The following ZFPM2 variants were observed in gnomAD, a reference collection of about 807,000 sequenced individuals.
ZFPM2 encodes zinc finger protein, FOG family member 2, also known as zinc finger protein ZFPM2.
ZFPM2 carries 20 observed loss-of-function variants against 98.6 expected under a neutral mutation model. That is an observed-to-expected ratio of 0.20 (90% CI 0.14 to 0.29). ZFPM2 has a LOEUF of 0.29. Among genes scored for constraint, ZFPM2 ranks in the 10% least tolerant of loss-of-function variants. The pLI, the probability that ZFPM2 is intolerant of heterozygous loss-of-function variation, is 1.00. For missense variants in ZFPM2, 1,310 were observed against 1,388.6 expected, an observed-to-expected ratio of 0.94 and a Z score of 0.90; for synonymous variants, 518 against 502.7, an observed-to-expected ratio of 1.03 and a Z score of -0.41.
At chr8:105,553,894 A>G (rs1415249585) in intron 3 of ZFPM2, among the ~76,000 whole-genome samples, 3 of 152,184 alleles carry the variant, frequency 2.0e-5, no homozygotes, top group Non-Finnish European at 4.4e-5. Flanking sequence ...GCGCCGGATA[A>G]GGTCACAATT....
chr8:105,469,344 T>C (rs1812853599), intron 3 of ZFPM2, among the ~76,000 whole-genome samples: 1 of 152,206 alleles, frequency 6.6e-6, no homozygotes, highest in African/African-American at 2.4e-5. Context: ...CTCTTCTGTT[T>C]TACATCTCTT....
chr8:105,564,399 A>C (rs140330642), intron 4 of ZFPM2, among the ~76,000 whole-genome samples: 1 of 152,122 alleles, frequency 6.6e-6, no homozygotes, highest in African/African-American at 2.4e-5. Flanking sequence ...ACTAAAATAT[A>C]TTTTCAAATG....
intron 5 of ZFPM2, among the ~76,000 whole-genome samples, chr8:105,713,208 T>A (rs1308471410): frequency 6.6e-6 from 1 of 152,130 alleles, no homozygotes; most frequent in Non-Finnish European, 1.5e-5. Context: ...ATTTTTTGAC[T>A]TTTTAATGAT....
chr8:105,516,822 T>C (rs1396197527), intron 3 of ZFPM2, among the ~76,000 whole-genome samples: 1 of 152,214 alleles, frequency 6.6e-6, no homozygotes, highest in Non-Finnish European at 1.5e-5. Flanking sequence ...GTATTGTCTA[T>C]AATTTCTGAC....
intron 4 of ZFPM2, among the ~76,000 whole-genome samples, chr8:105,571,277 C>T (rs1383409358): frequency 6.6e-6 from 1 of 152,154 alleles, no homozygotes; most frequent in African/African-American, 2.4e-5. Flanking sequence ...AAAACAGAAT[C>T]ATGAAGGCCT....
chr8:105,464,453 A>G (rs1469327387), intron 3 of ZFPM2, among the ~76,000 whole-genome samples: 13 of 152,072 alleles, frequency 8.5e-5, no homozygotes, highest in Non-Finnish European at 1.6e-4. Context: ...GAGCAAATGC[A>G]TAAGACATTT....
At chr8:105,320,542 T>C (rs916374049) in intron 1 of ZFPM2, among the ~76,000 whole-genome samples, 1 of 152,226 alleles carries the variant, frequency 6.6e-6, no homozygotes, top group Admixed American at 6.5e-5. Context: ...GTTTAAATGT[T>C]GCATCTTAGA....
intron 5 of ZFPM2, among the ~76,000 whole-genome samples, chr8:105,776,461 A>G (rs1813107730): frequency 1.3e-5 from 2 of 152,330 alleles, no homozygotes; most frequent in African/African-American, 4.8e-5. Context: ...GGATACTGTA[A>G]TTTAGTAGTT....
chr8:105,590,529 T>A (rs1815818333), intron 4 of ZFPM2, among the ~76,000 whole-genome samples: 1 of 152,214 alleles, frequency 6.6e-6, no homozygotes, highest in East Asian at 1.9e-4. Context: ...AGGCCATGAT[T>A]AATGGTTTTG....
intron 1 of ZFPM2, among the ~76,000 whole-genome samples, chr8:105,330,601 T>TATATACATATATATATATATATAC (rs1488776480): frequency 3.7e-5 from 1 of 27,206 alleles, no homozygotes; most frequent in Admixed American, 5.1e-4. Flanking sequence ...TATACATATA[T>TATATACATATATATATATATATAC]ATATATATAC....
At chr8:105,590,635 G>A (rs1210038834) in intron 4 of ZFPM2, among the ~76,000 whole-genome samples, 1 of 152,250 alleles carries the variant, frequency 6.6e-6, no homozygotes, top group Non-Finnish European at 1.5e-5. Flanking sequence ...CCCTATTATG[G>A]ATGTGGAGGG....
chr8:105,528,895 A>C (rs916220956), intron 3 of ZFPM2: 58 of 152,170 alleles, frequency 3.8e-4, no homozygotes, highest in African/African-American at 1.3e-3. Context: ...GATTCTTAGA[A>C]GACCCTTCAG....
intron 5 of ZFPM2, among the ~76,000 whole-genome samples, chr8:105,689,921 A>C (rs1810836993): frequency 6.6e-6 from 1 of 152,166 alleles, no homozygotes; most frequent in Non-Finnish European, 1.5e-5. Context: ...AAGAGAGAAA[A>C]AGTGAAACAG....
chr8:105,501,243 C>T (rs1003354761), intron 3 of ZFPM2, among the ~76,000 whole-genome samples: 9 of 148,614 alleles, frequency 6.1e-5, no homozygotes, highest in African/African-American at 1.0e-4. Flanking sequence ...AGTGCAGTGG[C>T]GCCATCTCAG....
At chr8:105,437,296 T>G (rs1691506269) in intron 2 of ZFPM2, among the ~76,000 whole-genome samples, 1 of 152,210 alleles carries the variant, frequency 6.6e-6, no homozygotes, top group African/African-American at 2.4e-5. Flanking sequence ...TAATTATTTG[T>G]AATGAATGAA....
At chr8:105,764,383 T>C (rs1216197343) in intron 5 of ZFPM2, among the ~76,000 whole-genome samples, 1 of 151,698 alleles carries the variant, frequency 6.6e-6, no homozygotes, top group Non-Finnish European at 1.5e-5. Flanking sequence ...GAAGCAATGT[T>C]TGCTGAATAC....
chr8:105,410,064 G>T (rs1419215530), intron 1 of ZFPM2, among the ~76,000 whole-genome samples: 1 of 151,692 alleles, frequency 6.6e-6, no homozygotes, highest in Admixed American at 6.6e-5. Context: ...AATCAGAATG[G>T]GTATTCTAAA....
chr8:105,763,850 G>A (rs564257668), intron 5 of ZFPM2, among the ~76,000 whole-genome samples: 3 of 151,834 alleles, frequency 2.0e-5, no homozygotes, highest in South Asian at 4.2e-4. Context: ...TTTGGAAGCT[G>A]TTTTTCATAT....
At chr8:105,655,351 C>T (rs1202882035) in intron 5 of ZFPM2, among the ~76,000 whole-genome samples, 3 of 151,418 alleles carry the variant, frequency 2.0e-5, no homozygotes, top group African/African-American at 7.3e-5. Flanking sequence ...CCTGCCTCAG[C>T]CATCTGAGTA....
Sources: allele counts gnomAD v4.1 joint callset (sites outside exome capture counted in the v4.1 genomes callset), GRCh38; gene constraint gnomAD v4.1.1; transcripts MANE v1.5; gene names NCBI Gene and HGNC (gene_info 2026-07-23, HGNC 2026-07-21).